Variants in TBX10 observed in about 807,000 individuals in gnomAD.
TBX10 encodes T-box transcription factor 10.
Under a neutral mutation model 32.4 loss-of-function variants are expected in TBX10, and 26 were observed. The ratio of observed to expected loss-of-function variants is 0.80; its 90% CI spans 0.59 to 1.11. The LOEUF is 1.11. Ranked by LOEUF, TBX10 falls within the 50% of genes most tolerant of loss-of-function variation. The pLI is 0.00. For synonymous variants in TBX10, 195 were observed against 203.1 expected, an observed-to-expected ratio of 0.96 and a Z score of 0.34; for missense variants, 490 against 494.5, an observed-to-expected ratio of 0.99 and a Z score of 0.09.
rs1023773655 is a variant in TBX10, at chr11:67,637,508, G to A, written c.7+1958C>T. Among the ~76,000 whole-genome samples, 6 of 152,202 alleles carry A rather than the reference G, an allele frequency of 3.9e-5. 1 individual carries two copies. The highest frequency in any genetic ancestry group is 1.4e-4 in the African/African-American group (6 of 41,448). ...TGGCCGGAACGGGACCTCACATTCT[G>A]TATTTGTCCTGATTGGCTAGTAACT... On this transcript the variant is annotated intron_variant, in intron 1 of 7. Coordinates refer to ENST00000335385, the MANE Select transcript of TBX10 (RefSeq NM_005995.5).
intron 1 of TBX10, among the ~76,000 whole-genome samples, chr11:67,636,512 TATTTATTTA>T (rs1007148305): frequency 2.1e-5 from 2 of 97,108 alleles, no homozygotes; most frequent in African/African-American, 2.7e-5. Flanking sequence ...TTTATTTATT[TATTTATTTA>T]TTTTTTTCCA....
chr11:67,638,075 C>T (rs564297298), intron 1 of TBX10, among the ~76,000 whole-genome samples: 49 of 152,154 alleles, frequency 3.2e-4, no homozygotes, highest in Admixed American at 2.2e-3. Flanking sequence ...GAAGTGCTGG[C>T]GGGCACCTGT....
chr11:67,635,279 G>A lies in TBX10; in HGVS notation c.8-16C>T, dbSNP rs1363564349. On this transcript the variant is annotated splice_polypyrimidine_tract_variant and intron_variant, in intron 1 of 7. Coordinates refer to ENST00000335385, the MANE Select transcript of TBX10 (RefSeq NM_005995.5). ...GATAGGAAGGCTGTGGAGAGAGGAC[G>A]GAAGTGTGGGCCCCACGCATCACCC... 2 of 1,612,770 alleles carry A rather than the reference G, an allele frequency of 1.2e-6. No individual in the cohort carries two copies. The highest frequency in any genetic ancestry group is 1.7e-6 in the Non-Finnish European group (2 of 1,179,970).
intron 2 of TBX10, 31 bp from the exon 3 acceptor site, chr11:67,634,948 G>T: frequency 6.2e-7 from 1 of 1,613,154 alleles, no homozygotes; most frequent in Non-Finnish European, 8.5e-7. Context: ...GCAGCCGGAT[G>T]CGGCTCCAAC....
intron 3 of TBX10, among the ~76,000 whole-genome samples, chr11:67,634,591 G>T (rs1306384229): frequency 6.6e-6 from 1 of 152,186 alleles, no homozygotes; most frequent in Non-Finnish European, 1.5e-5. Flanking sequence ...AGACCTCTCT[G>T]CCTGCCCAAG....
Position 67,634,282 on chromosome 11 carries a change from G to T in TBX10, c.456C>A (p.Pro152=). The change falls in exon 4 of 8, where the codon CCC becomes CCA. Residue 152 remains proline (P), a synonymous_variant. Coordinates refer to ENST00000335385, the MANE Select transcript of TBX10 (RefSeq NM_005995.5). ...PATPGRVHFH[P]DSPAKGAQWM... ...ACTGGGCACCCTTGGCTGGCGAGTCGGGGTGGAAGTGCACGCGGCCAGGTG... is the reference window on the plus strand; with the variant it reads ...ACTGGGCACCCTTGGCTGGCGAGTCTGGGTGGAAGTGCACGCGGCCAGGTG... 1 of 1,612,414 alleles carries T rather than the reference G, an allele frequency of 6.2e-7. No homozygotes were observed.
chr11:67,637,551 G>A (rs1855347848), intron 1 of TBX10, among the ~76,000 whole-genome samples: 2 of 152,104 alleles, frequency 1.3e-5, no homozygotes, highest in African/African-American at 4.8e-5. Context: ...TTTAAAACTG[G>A]CAAAGGCAGA....
intron 6 of TBX10, 39 bp downstream of exon 6, chr11:67,632,564 G>A: frequency 2.5e-6 from 4 of 1,607,916 alleles, no homozygotes; most frequent in Non-Finnish European, 3.4e-6. Flanking sequence ...GATATGCCTG[G>A]GGTGGGGGTG....
chr11:67,638,768 TG>T (rs1212474490), intron 1 of TBX10, among the ~76,000 whole-genome samples: 1 of 152,186 alleles, frequency 6.6e-6, no homozygotes, highest in East Asian at 1.9e-4. Flanking sequence ...TTGAGGACCC[TG>T]GGCAGGATGG....
At chr11:67,638,539 C>T (rs1412173827) in intron 1 of TBX10, among the ~76,000 whole-genome samples, 5 of 152,246 alleles carry the variant, frequency 3.3e-5, no homozygotes, top group Middle Eastern at 3.4e-3. Context: ...GGCAGACAGG[C>T]GGGTGACGGA....
rs548169677 is a variant in TBX10, at chr11:67,632,331, T to G, written c.855A>C (p.Thr285=). The part of the protein sequence containing the change: ...SLSPCVLKGA[T]DREKDPNKAS... Reference sequence around the variant, plus strand: ...CTGGGGCCTTACCTTTCTCCCTGTCTGTGGCACCCTTCAGCACACAGGGAC... The same window carrying G: ...CTGGGGCCTTACCTTTCTCCCTGTCGGTGGCACCCTTCAGCACACAGGGAC... Residue 285 remains threonine, a synonymous_variant, in exon 7 of 8, where the codon ACA becomes ACC. Coordinates refer to ENST00000335385, the MANE Select transcript of TBX10 (RefSeq NM_005995.5). 1 of 1,613,382 alleles carries G rather than the reference T, an allele frequency of 6.2e-7. No homozygotes were observed. Among genetic ancestry groups the G allele is most frequent in the South Asian group, 1.1e-5 (1 of 91,092 alleles).
rs771689703 is a variant in TBX10, at chr11:67,639,457, G to A, written c.7+9C>T. 7.2e-6 allele frequency: 10 copies of A among 1,382,706 alleles called. No individual in the cohort carries two copies. The highest frequency in any genetic ancestry group is 4.8e-5 in the African/African-American group (3 of 62,130). The allele number at this position is 1,382,706 out of a possible 1,614,324, so 85.7% of individuals were successfully genotyped here. A position where few individuals can be genotyped will look rare whatever the true frequency, so the allele number is the denominator to read the frequency against. On this transcript the variant is annotated intron_variant, in intron 1 of 7. Transcript: ENST00000335385. ...CATGAGGCCACCTCTGCTTCAGAAC[G>A]TAGCCTACCTGCCATGGAGACAGAG...
chr11:67,633,671 C>A (rs1457416021), intron 4 of TBX10, among the ~76,000 whole-genome samples: 2 of 152,228 alleles, frequency 1.3e-5, no homozygotes, highest in Non-Finnish European at 2.9e-5. Context: ...CGGGCATGGG[C>A]CGCTGCATCC....
chr11:67,631,577 GCAGGGCTTCCCCC>G lies in TBX10; in HGVS notation c.*15_*27del. 1 of 1,576,990 alleles carries G rather than the reference GCAGGGCTTCCCCC, an allele frequency of 6.3e-7. No homozygotes were observed. Among genetic ancestry groups the G allele is most frequent in the South Asian group, 1.1e-5 (1 of 87,052 alleles). The stretch of plus-strand genomic sequence containing the variant: ...CACACCCGGTGTAAGGTCCAGGGTA[GCAGGGCTTCCCCC>G]CAGGGCTTCTGGCATCACTGGGAGT... On this transcript the variant is annotated 3_prime_UTR_variant, in exon 8 of 8. Transcript: ENST00000335385.
chr11:67,632,771 C>G (rs1855258997), intron 5 of TBX10, 101 bp from the exon 6 acceptor site: 8 of 1,551,010 alleles, frequency 5.2e-6, no homozygotes, highest in South Asian at 1.1e-5. Flanking sequence ...ACCTGGGCCT[C>G]TTGGCCCAGG....
In TBX10 at chr11:67,635,096, T is replaced by A; in HGVS notation, c.175A>T (p.Asn59Tyr). 6.2e-7 allele frequency: 1 copy of A among 1,613,874 alleles called. No homozygotes were observed. Among genetic ancestry groups the A allele is most frequent in the Non-Finnish European group, 8.5e-7 (1 of 1,180,042 alleles). ...ACTGTCACTCTGGACACACGTGGGT[T>A]CTTGGGGCCCTGCCCAGTGGGCTCG... Reference protein sequence around the residue: ...VAEPTGQGPKNPRVSRVTVQL... With the variant: ...VAEPTGQGPKYPRVSRVTVQL... The change falls in exon 2 of 8, where the codon AAC (asparagine) becomes TAC (tyrosine). Residue 59 changes from asparagine to tyrosine, a missense_variant. By Grantham distance (143) the Asn-to-Tyr change is moderately radical (BLOSUM62 -2). Coordinates refer to ENST00000335385, the MANE Select transcript of TBX10 (RefSeq NM_005995.5).
In TBX10 at chr11:67,632,350, C is replaced by T; in HGVS notation, c.836G>A (p.Cys279Tyr). 4 of 1,613,414 alleles carry T rather than the reference C, an allele frequency of 2.5e-6. No individual in the cohort carries two copies. Among genetic ancestry groups the T allele is most frequent in the Middle Eastern group, 3.3e-4 (2 of 6,062 alleles). ...CCTGTCTGTGGCACCCTTCAGCACA[C>T]AGGGACTGAGGCTGCTGTGACTCCG... The part of the protein sequence containing the change: ...PARSHSSLSP[C>Y]VLKGATDREK... Residue 279 changes from cysteine to tyrosine, a missense_variant, in exon 7 of 8, where the codon TGT (cysteine) becomes TAT (tyrosine). Coordinates refer to ENST00000335385, the MANE Select transcript of TBX10 (RefSeq NM_005995.5).
At chr11:67,635,447 G>C (rs1304273236) in intron 1 of TBX10, among the ~76,000 whole-genome samples, 184 bp from the exon 2 acceptor site, 1 of 152,198 alleles carries the variant, frequency 6.6e-6, no homozygotes, top group Non-Finnish European at 1.5e-5. Context: ...TATTTTGCCA[G>C]CAAGCTCCTT....
At position 67,631,388 on chromosome 11, in the gene TBX10, T is replaced by C; in HGVS notation, c.*217A>G. ...ACCCCCAAAGCAAGAGGGCACAGTA[T>C]TCAGGCTGCTGGGGTTGGGAGATAG... On this transcript the variant is annotated 3_prime_UTR_variant, in exon 8 of 8. Transcript: ENST00000335385. 1 of 622,272 alleles carries C rather than the reference T, an allele frequency of 1.6e-6. No individual in the cohort carries two copies. The highest frequency in any genetic ancestry group is 2.0e-5 in the South Asian group (1 of 50,996). 38.5% of individuals were successfully genotyped at this position (622,272 alleles called of 1,614,324 possible).
Sources: allele counts gnomAD v4.1 joint callset (sites outside exome capture counted in the v4.1 genomes callset), GRCh38; gene constraint gnomAD v4.1.1; transcripts MANE v1.5; gene names NCBI Gene and HGNC (gene_info 2026-07-23, HGNC 2026-07-21).